The following VPS13A variants were observed in gnomAD, a reference collection of about 807,000 sequenced individuals.
The protein encoded by VPS13A is vacuolar protein sorting 13 homolog A.
A neutral mutation model predicts 390.9 loss-of-function variants in VPS13A; 264 were observed. The observed-to-expected ratio is 0.68, with a 90% CI of 0.61 to 0.75. The LOEUF is 0.75. VPS13A is among the 30% of genes least tolerant of loss of function. The probability of loss-of-function intolerance (pLI) is 0.00; values close to 1 mark genes in which losing one functional copy is unlikely to be tolerated. For missense variants in VPS13A, 3,409 were observed against 3,733.9 expected (o/e 0.91, Z 2.27); for synonymous variants, 1,231 against 1,227.1 (o/e 1.00, Z -0.07).
intron 68 of VPS13A, among the ~76,000 whole-genome samples, chr9:77,402,096 T>C (rs990054311): frequency 6.6e-6 from 1 of 152,198 alleles, no homozygotes; most frequent in Non-Finnish European, 1.5e-5. Flanking sequence ...TGTATGTATG[T>C]CCCTTTTTCA....
chr9:77,356,257 C>G (rs955760629), intron 54 of VPS13A, among the ~76,000 whole-genome samples: 7 of 152,114 alleles, frequency 4.6e-5, no homozygotes, highest in African/African-American at 1.7e-4. Flanking sequence ...GGATAATTCT[C>G]TCAGCTCATT....
chr9:77,260,316 T>C (rs1193632106), intron 23 of VPS13A, 92 bp downstream of exon 23: 11 of 1,424,630 alleles, frequency 7.7e-6, no homozygotes, highest in Non-Finnish European at 1.1e-5. Context: ...ATAAGACAAT[T>C]TGCAATTTGT....
intron 68 of VPS13A, among the ~76,000 whole-genome samples, chr9:77,383,374 A>G (rs72748216): frequency 0.051 from 7,772 of 152,160 alleles, 303 homozygotes; most frequent in Middle Eastern, 0.078. Flanking sequence ...TGCAGTCTCT[A>G]CAATGACAGT....
intron 52 of VPS13A, among the ~76,000 whole-genome samples, chr9:77,348,482 G>A (rs1831284173): frequency 6.6e-6 from 1 of 152,146 alleles, no homozygotes; most frequent in African/African-American, 2.4e-5. Context: ...GTGGCAGGGA[G>A]AACATCAGGA....
At chr9:77,248,668 G>C (rs1824972587) in intron 20 of VPS13A, among the ~76,000 whole-genome samples, 1 of 152,066 alleles carries the variant, frequency 6.6e-6, no homozygotes. Flanking sequence ...AATTAATTCA[G>C]TTTCTTAGTC....
chr9:77,402,271 AT>A (rs1834425574), intron 68 of VPS13A, among the ~76,000 whole-genome samples: 1 of 152,190 alleles, frequency 6.6e-6, no homozygotes, highest in Non-Finnish European at 1.5e-5. Flanking sequence ...TCTTTCTCAG[AT>A]AAAAATGAAA....
chr9:77,184,906 C>T (rs1589964832), intron 1 of VPS13A, among the ~76,000 whole-genome samples: 1 of 152,236 alleles, frequency 6.6e-6, no homozygotes. Flanking sequence ...TTTGCTCTGT[C>T]CATCTCTTTA....
chr9:77,239,238 G>A (rs529298976), intron 19 of VPS13A, among the ~76,000 whole-genome samples: 71 of 152,066 alleles, frequency 4.7e-4, no homozygotes, highest in African/African-American at 1.7e-3. Context: ...AGCACTTTGG[G>A]AAGCCGAGGC....
chr9:77,408,007 A>G (rs1220600006), intron 71 of VPS13A, among the ~76,000 whole-genome samples: 1 of 152,220 alleles, frequency 6.6e-6, no homozygotes, highest in Non-Finnish European at 1.5e-5. Flanking sequence ...AAAAGTTGCC[A>G]TAGCTGACAC....
At chr9:77,346,962 TTTTG>T (rs1184253129) in intron 52 of VPS13A, among the ~76,000 whole-genome samples, 1 of 152,190 alleles carries the variant, frequency 6.6e-6, no homozygotes, top group East Asian at 1.9e-4. Context: ...TACTTCATGT[TTTTG>T]TTTGTTTTGT....
intron 71 of VPS13A, among the ~76,000 whole-genome samples, chr9:77,410,430 A>G (rs981831924): frequency 3.3e-5 from 5 of 152,196 alleles, no homozygotes; most frequent in Non-Finnish European, 7.3e-5. Flanking sequence ...GACAGGATCA[A>G]ATTCACACAT....
In VPS13A at chr9:77,257,830, C is replaced by T. The variant is rs556802176; in HGVS notation, c.2289-2256C>T. ...AAAACTCTACTTGTTTCCTGTTTTGCCCCCTCCAGTTTATCTTATTGATGT... is the reference window on the plus strand; with the variant it reads ...AAAACTCTACTTGTTTCCTGTTTTGTCCCCTCCAGTTTATCTTATTGATGT... On this transcript the variant is annotated intron_variant, in intron 22 of 71. Transcript: ENST00000360280. Among the ~76,000 whole-genome samples, 3 of 152,190 alleles carry T rather than the reference C, an allele frequency of 2.0e-5. No homozygotes were observed. The East Asian group carries it at 5.8e-4, about 29-fold the overall frequency.
chr9:77,303,204 A>G (rs988268560), intron 34 of VPS13A, 142 bp downstream of exon 34: 2 of 874,978 alleles, frequency 2.3e-6, no homozygotes, highest in Non-Finnish European at 3.5e-6. Context: ...TTAAACTAGA[A>G]TTCATTTTAA....
chr9:77,183,058 A>G (rs1039906003), intron 1 of VPS13A, among the ~76,000 whole-genome samples: 4 of 152,188 alleles, frequency 2.6e-5, no homozygotes, highest in South Asian at 2.1e-4. Flanking sequence ...CTAATTCCTT[A>G]TGTATTATTT....
chr9:77,388,462 ATAAAT>A (rs1487204805), intron 68 of VPS13A, among the ~76,000 whole-genome samples: 1 of 152,162 alleles, frequency 6.6e-6, no homozygotes, highest in African/African-American at 2.4e-5. Flanking sequence ...AATAAGTATG[ATAAAT>A]TTATTTAGCA....
intron 68 of VPS13A, among the ~76,000 whole-genome samples, chr9:77,399,636 G>A (rs770053397): frequency 7.2e-5 from 11 of 152,072 alleles, no homozygotes; most frequent in Non-Finnish European, 1.6e-4. Flanking sequence ...TTCGCCATAT[G>A]GAACAAAAGA....
intron 56 of VPS13A, 135 bp downstream of exon 56, chr9:77,357,973 T>TTTTTTA (rs1831912947): frequency 1.3e-6 from 1 of 765,790 alleles, no homozygotes; most frequent in African/African-American, 1.9e-5. Flanking sequence ...TTTTTTTTTT[T>TTTTTTA]GAGACAGAGT....
chr9:77,344,804 T>A (rs1831058465), intron 51 of VPS13A, among the ~76,000 whole-genome samples: 1 of 151,972 alleles, frequency 6.6e-6, no homozygotes, highest in Non-Finnish European at 1.5e-5. Context: ...AATACTAGAA[T>A]ATACCACATC....
At chr9:77,402,241 G>A (rs1834424603) in intron 68 of VPS13A, among the ~76,000 whole-genome samples, 1 of 152,010 alleles carries the variant, frequency 6.6e-6, no homozygotes, top group Admixed American at 6.6e-5. Context: ...GAGTCATCCT[G>A]CTATTTTAGT....
Sources: allele counts gnomAD v4.1 joint callset (sites outside exome capture counted in the v4.1 genomes callset), GRCh38; gene constraint gnomAD v4.1.1; transcripts MANE v1.5; gene names NCBI Gene and HGNC (gene_info 2026-07-23, HGNC 2026-07-21).